The following PLP1 variants were observed in gnomAD, a reference collection of about 807,000 sequenced individuals.
PLP1 encodes proteolipid protein 1.
Under a neutral mutation model 18.5 loss-of-function variants are expected in PLP1, and 2 were observed. That is an observed-to-expected ratio of 0.11 (90% CI 0.04 to 0.34). PLP1 has a LOEUF of 0.34. Among genes scored for constraint, PLP1 ranks in the 10% least tolerant of loss-of-function variants. The probability of loss-of-function intolerance (pLI) is 1.00; values close to 1 mark genes in which losing one functional copy is unlikely to be tolerated. For missense variants in PLP1, 105 were observed against 207.3 expected (o/e 0.51, Z 3.03); for synonymous variants, 86 against 83.2 (o/e 1.03, Z -0.19).
Position 103,790,819 on chromosome X carries a change from G to A in PLP1, c.*221G>A. On this transcript the variant is annotated 3_prime_UTR_variant, in exon 7 of 7. Coordinates refer to ENST00000621218, the MANE Select transcript of PLP1 (RefSeq NM_000533.5). ...TCATTTTGCTTCATAGCTGGTTCCT[G>A]CTAGAAATGGGAAATGCCTAAGAAG... 2 of 427,329 alleles carry A rather than the reference G, an allele frequency of 4.7e-6. No homozygotes were observed. The highest frequency in any genetic ancestry group is 8.2e-6 in the Non-Finnish European group (2 of 243,102). 35.2% of individuals were successfully genotyped at this position (427,329 alleles called of 1,213,427 possible). A position where few individuals can be genotyped will look rare whatever the true frequency, so the allele number is the denominator to read the frequency against.
chrX:103,786,042 C>T (rs1387073840), intron 2 of PLP1: 15 of 1,038,180 alleles, frequency 1.4e-5, no homozygotes, highest in Non-Finnish European at 1.9e-5. Context: ...TTCATATTGC[C>T]CAAGTTGGAG....
At chrX:103,786,371 C>T (rs187933840) in intron 2 of PLP1, 94 bp from the exon 3 acceptor site, 5 of 1,060,490 alleles carry the variant, frequency 4.7e-6, no homozygotes, top group Middle Eastern at 2.5e-4. Flanking sequence ...TGTTAAGGTG[C>T]TCGCTCTGGT....
chrX:103,786,301 A>T, intron 2 of PLP1, 164 bp from the exon 3 acceptor site: 2 of 1,090,369 alleles, frequency 1.8e-6, no homozygotes, highest in South Asian at 1.9e-5. Flanking sequence ...TTATTTCAAC[A>T]AAGATAAGGT....
At chrX:103,781,332 C>T in intron 1 of PLP1, 1 of 324,002 alleles carries the variant, frequency 3.1e-6, no homozygotes, top group South Asian at 2.7e-5. Context: ...TTCTGTTGAT[C>T]TCTGTCAGAC....
At chrX:103,785,929 C>T (rs1244766115) in intron 2 of PLP1, 161 bp downstream of exon 2, 2 of 701,278 alleles carry the variant, frequency 2.9e-6, no homozygotes, top group Non-Finnish European at 4.3e-6. Context: ...GCTCCACATT[C>T]GAAGCCCATT....
At chrX:103,780,651 G>A (rs1002504411) in intron 1 of PLP1, among the ~76,000 whole-genome samples, 1 of 111,770 alleles carries the variant, frequency 8.9e-6, no homozygotes, top group African/African-American at 3.3e-5. Flanking sequence ...CTGTTTTCCA[G>A]CACTTGAATG....
At chrX:103,778,975 C>T (rs2074431864) in intron 1 of PLP1, among the ~76,000 whole-genome samples, 1 of 112,125 alleles carries the variant, frequency 8.9e-6, no homozygotes, top group South Asian at 3.7e-4. Flanking sequence ...ACAGCCTCTG[C>T]TTAATCACCT....
Position 103,785,612 on chromosome X carries a change from T to C in PLP1, c.35T>C (p.Val12Ala), listed in dbSNP as rs1049312344. ...GLLECCARCL[V>A]GAPFASLVAT... ...TTAGAGTGCTGTGCAAGATGTCTGG[T>C]AGGGGCCCCCTTTGCTTCCCTGGTG... The change falls in exon 2 of 7, where the codon GTA becomes GCA. Residue 12 changes from valine to alanine, a missense_variant. By Grantham distance (64) the Val-to-Ala change is moderately conservative (BLOSUM62 0). Coordinates refer to ENST00000621218, the MANE Select transcript of PLP1 (RefSeq NM_000533.5). The C allele has an allele frequency of 2.5e-6, 3 of 1,208,802 alleles. No individual in the cohort carries two copies. In the African/African-American group the frequency reaches 5.3e-5, roughly 21 times the overall value.
intron 6 of PLP1, among the ~76,000 whole-genome samples, 196 bp downstream of exon 6, chrX:103,789,594 G>A (rs1320974914): frequency 8.9e-6 from 1 of 111,909 alleles, no homozygotes; most frequent in African/African-American, 3.3e-5. Context: ...AATTAGATGG[G>A]AACAAGAAAA....
chrX:103,790,759 T>C lies in PLP1; in HGVS notation c.*161T>C, dbSNP rs1186769720. 1.4e-5 allele frequency: 7 copies of C among 503,644 alleles called. No homozygotes were observed. Among genetic ancestry groups the C allele is most frequent in the Admixed American group, 2.7e-5 (1 of 36,706 alleles). The allele number at this position is 503,644 out of a possible 1,213,427, so 41.5% of individuals were successfully genotyped here. ...AGAGTCTTGCAGTGATTAAGGTCTC[T>C]CTTTGGACTCTCCCCTCTTATGTAC... On this transcript the variant is annotated 3_prime_UTR_variant, in exon 7 of 7. Coordinates refer to ENST00000621218, the MANE Select transcript of PLP1 (RefSeq NM_000533.5).
intron 1 of PLP1, among the ~76,000 whole-genome samples, chrX:103,783,216 G>A (rs1403482323): frequency 8.9e-6 from 1 of 112,020 alleles, no homozygotes; most frequent in Non-Finnish European, 1.9e-5. Context: ...GTGCACATTT[G>A]TACACATGCA....
At position 103,781,277 on chromosome X, in the gene PLP1, C is replaced by A. The variant is rs1444720346; in HGVS notation, c.4+4278C>A. ...CTGCTTAAAGAGACAGCATCAGGAT[C>A]AACACAGTCCCTTGATGAACCTGGA... On this transcript the variant is annotated intron_variant, in intron 1 of 6. Transcript: ENST00000621218. 4.9e-5 allele frequency: 16 copies of A among 323,384 alleles called. No individual in the cohort carries two copies. The Admixed American group carries it at 5.0e-4, about 10-fold the overall frequency. The allele number at this position is 323,384 out of a possible 1,213,427, so 26.7% of individuals were successfully genotyped here.
chrX:103,777,073 G>T lies in PLP1; in HGVS notation c.4+74G>T. ...TCACAAGAGAATTTCCAACTTTGGG[G>T]TTCGGGGGTTCCATGGTTTAAATGA... On this transcript the variant is annotated intron_variant, in intron 1 of 6. Coordinates refer to ENST00000621218, the MANE Select transcript of PLP1 (RefSeq NM_000533.5). 1.6e-5 allele frequency: 14 copies of T among 879,755 alleles called. No individual in the cohort carries two copies. Among genetic ancestry groups the T allele is most frequent in the Non-Finnish European group, 2.3e-5 (14 of 599,731 alleles). The allele number at this position is 879,755 out of a possible 1,213,427, so 72.5% of individuals were successfully genotyped here.
intron 6 of PLP1, among the ~76,000 whole-genome samples, chrX:103,789,914 A>C (rs1448392504): frequency 1.8e-5 from 2 of 112,102 alleles, no homozygotes; most frequent in Non-Finnish European, 1.9e-5. Context: ...GCTATGTCCC[A>C]GGTCTTGCTG....
At position 103,790,631 on chromosome X, in the gene PLP1, G is replaced by C. The variant is rs371857048; in HGVS notation, c.*33G>C. 1.9e-6 allele frequency: 2 copies of C among 1,060,776 alleles called. No homozygotes were observed. The highest frequency in any genetic ancestry group is 2.2e-5 in the Admixed American group (1 of 45,789). The allele number at this position is 1,060,776 out of a possible 1,213,427, so 87.4% of individuals were successfully genotyped here. ...TAGAAATCCCCCTTTCTCTAATAGC[G>C]AGGCTCTAACCACACAGCCTACAAT... is the stretch of plus-strand genomic sequence containing the variant. On this transcript the variant is annotated 3_prime_UTR_variant, in exon 7 of 7. Transcript: ENST00000621218.
rs1207032029 is a variant in PLP1, at chrX:103,792,111, C to T, written c.*1513C>T. 1 of 107,374 alleles carries T rather than the reference C, an allele frequency of 9.3e-6. No homozygotes were observed. Among genetic ancestry groups the T allele is most frequent in the African/African-American group, 3.4e-5 (1 of 29,305 alleles). The allele number at this position is 107,374 out of a possible 1,213,427, so 8.8% of individuals were successfully genotyped here. ...TTCAGTCTTTTCCTGTTTTTGTTAACTTTGGGTTAAAAAAAAAAAAAGTCT... is the reference window on the plus strand; with the variant it reads ...TTCAGTCTTTTCCTGTTTTTGTTAATTTTGGGTTAAAAAAAAAAAAAGTCT... On this transcript the variant is annotated 3_prime_UTR_variant, in exon 7 of 7. Coordinates refer to ENST00000621218, the MANE Select transcript of PLP1 (RefSeq NM_000533.5).
chrX:103,785,182 G>A (rs1294150773), intron 1 of PLP1, among the ~76,000 whole-genome samples: 3 of 110,563 alleles, frequency 2.7e-5, no homozygotes, highest in Non-Finnish European at 5.7e-5. Context: ...GGGTTTAACA[G>A]ATTCTCCTGT....
At chrX:103,780,696 A>G (rs1396712814) in intron 1 of PLP1, 1 of 112,052 alleles carries the variant, frequency 8.9e-6, no homozygotes, top group Non-Finnish European at 1.9e-5. Context: ...AGGGATATGT[A>G]GGAAAGACAA....
In PLP1 at chrX:103,789,330, C is replaced by T. The variant is rs778487661; in HGVS notation, c.697-3C>T. 5.8e-6 allele frequency: 7 copies of T among 1,197,327 alleles called. No individual in the cohort carries two copies. The highest frequency in any genetic ancestry group is 7.9e-6 in the Non-Finnish European group (7 of 881,985). On this transcript the variant is annotated splice_polypyrimidine_tract_variant and splice_region_variant and intron_variant, in intron 5 of 6. Coordinates refer to ENST00000621218, the MANE Select transcript of PLP1 (RefSeq NM_000533.5). ...CAGTTCTTCCTCTTTCATTTTCCTG[C>T]AGTTCCAAATGACCTTCCACCTGTT...
Sources: allele counts gnomAD v4.1 joint callset (sites outside exome capture counted in the v4.1 genomes callset), GRCh38; gene constraint gnomAD v4.1.1; transcripts MANE v1.5; gene names NCBI Gene and HGNC (gene_info 2026-07-23, HGNC 2026-07-21).